SLC6A13: variants seen among roughly 807,000 people sequenced by gnomAD.
SLC6A13 encodes solute carrier family 6 member 13, also known as sodium- and chloride-dependent GABA transporter 2.
Under a neutral mutation model 72.9 loss-of-function variants are expected in SLC6A13, and 69 were observed. The observed-to-expected ratio is 0.95, with a 90% CI of 0.78 to 1.16. The LOEUF is 1.16. SLC6A13 is among the 50% of genes most tolerant of loss of function. The pLI, the probability that SLC6A13 is intolerant of heterozygous loss-of-function variation, is 0.00. For synonymous variants in SLC6A13, 303 were observed against 303.0 expected, an observed-to-expected ratio of 1.00 and a Z score of 0.00; for missense variants, 735 against 760.5, an observed-to-expected ratio of 0.97 and a Z score of 0.39.
chr12:225,108 G>A (rs892753817), intron 9 of SLC6A13, among the ~76,000 whole-genome samples: 3 of 152,222 alleles, frequency 2.0e-5, no homozygotes, highest in Non-Finnish European at 2.9e-5. Context: ...CCCTCGCGGC[G>A]CGTGAATGTT....
intron 7 of SLC6A13, among the ~76,000 whole-genome samples, chr12:230,703 C>G (rs1670988687): frequency 6.6e-6 from 1 of 152,108 alleles, no homozygotes. Context: ...CCCACGCTCC[C>G]CCACATGCTG....
Position 226,379 on chromosome 12 carries a change from G to A in SLC6A13, c.1060+11C>T. Reference sequence around the variant, plus strand: ...GGCTCACTGCCTCCAGGCCTCCCCAGTAACACTCACCTGACTCGGCCACCT... The same window carrying A: ...GGCTCACTGCCTCCAGGCCTCCCCAATAACACTCACCTGACTCGGCCACCT... On this transcript the variant is annotated intron_variant, in intron 9 of 14. Transcript: ENST00000343164. 2 of 1,613,556 alleles carry A rather than the reference G, an allele frequency of 1.2e-6. No homozygotes were observed. Among genetic ancestry groups the A allele is most frequent in the Middle Eastern group, 1.7e-4 (1 of 6,060 alleles).
rs757335080 is a variant in SLC6A13 at position 221,515 on chromosome 12, G to A, written c.1547C>T (p.Thr516Ile). 6.2e-7 allele frequency: 1 copy of A among 1,609,816 alleles called. No individual in the cohort carries two copies. The highest frequency in any genetic ancestry group is 1.3e-5 in the African/African-American group (1 of 74,738). ...GTACTTCTTGTTGTAGGTCAGCGGA[G>A]TGTACTTTATCAGGGAGAAGAGAAA... Reference protein sequence around the residue: ...ATFLFSLIKYTPLTYNKKYTY... With the variant: ...ATFLFSLIKYIPLTYNKKYTY... Residue 516 changes from threonine (T) to isoleucine (I), a missense_variant, in exon 14 of 15, where the codon ACT (threonine) becomes ATT (isoleucine). Thr to Ile is a moderately conservative substitution (Grantham distance 89, BLOSUM62 -1). Coordinates refer to ENST00000343164, the MANE Select transcript of SLC6A13 (RefSeq NM_016615.5).
rs148041862 is a variant in SLC6A13, at chr12:247,062, T to G, written c.203-3249A>C. 2.2e-3 allele frequency among the ~76,000 whole-genome samples: 327 copies of G among 148,288 alleles called. 2 individuals carry two copies. The highest frequency in any genetic ancestry group is 7.2e-3 in the African/African-American group (291 of 40,620). On this transcript the variant is annotated intron_variant, in intron 2 of 14. Coordinates refer to ENST00000343164, the MANE Select transcript of SLC6A13 (RefSeq NM_016615.5). ...AAAGAAAGAAAAGAAAAAAGAAATT[T>G]TTTAAAAAGAACAGGTATGCCTAAG...
At chr12:247,056 G>T (rs1350789306) in intron 2 of SLC6A13, among the ~76,000 whole-genome samples, 2 of 140,882 alleles carry the variant, frequency 1.4e-5, no homozygotes, top group Non-Finnish European at 3.1e-5. Flanking sequence ...AAAGAAAAAA[G>T]AAATTTTTTA....
In SLC6A13 at chr12:224,512, G is replaced by T; in HGVS notation, c.1062C>A (p.Gly354=). The change falls in exon 10 of 15, where the codon GGC becomes GGA. Residue 354 remains glycine (G), a splice_region_variant and synonymous_variant. Coordinates refer to ENST00000343164, the MANE Select transcript of SLC6A13 (RefSeq NM_016615.5). ...GGTAAGCGATGAAAGCCAGGCCAGG[G>T]CCTACGACAAGGAGCAGAGGAACAC... is the stretch of plus-strand genomic sequence containing the variant. ...GVPISEVAES[G]PGLAFIAYPR... is the part of the protein sequence containing the mutation. The T allele has an allele frequency of 6.2e-7, 1 of 1,613,562 alleles. No homozygotes were observed.
In SLC6A13 at chr12:221,553, G is replaced by A. The variant is rs1175521560; in HGVS notation, c.1516-7C>T. The stretch of plus-strand genomic sequence containing the variant: ...GGGAGAAGAGAAAGGTGGCCTGAGG[G>A]GGAGAGCAGAAGAGAAAGGGGTTGG... On this transcript the variant is annotated splice_polypyrimidine_tract_variant and splice_region_variant and intron_variant, in intron 13 of 14. Coordinates refer to ENST00000343164, the MANE Select transcript of SLC6A13 (RefSeq NM_016615.5). The A allele has an allele frequency of 6.4e-7, 1 of 1,574,366 alleles. No individual in the cohort carries two copies. Among genetic ancestry groups the A allele is most frequent in the East Asian group, 2.3e-5 (1 of 43,770 alleles).
chr12:224,238 A>G, intron 10 of SLC6A13, 109 bp from the exon 11 acceptor site: 8 of 1,475,650 alleles, frequency 5.4e-6, no homozygotes, highest in Non-Finnish European at 7.5e-6. Context: ...TCACTGTCTC[A>G]GGTCCCCTGA....
At chr12:252,685 G>C (rs540920235) in intron 2 of SLC6A13, among the ~76,000 whole-genome samples, 3 of 152,216 alleles carry the variant, frequency 2.0e-5, no homozygotes, top group African/African-American at 7.2e-5. Context: ...AAACAGGAAA[G>C]ATAGAACCCA....
At chr12:239,238 TC>T (rs1411987140) in intron 4 of SLC6A13, among the ~76,000 whole-genome samples, 1 of 32,364 alleles carries the variant, frequency 3.1e-5, no homozygotes, top group African/African-American at 5.9e-5. Context: ...TTGGATCCAT[TC>T]CCACACCATT....
At chr12:222,693 A>G (rs1037899097) in intron 12 of SLC6A13, 61 bp from the exon 13 acceptor site, 3 of 1,034,202 alleles carry the variant, frequency 2.9e-6, no homozygotes, top group African/African-American at 3.1e-5. Flanking sequence ...CCAGGACATC[A>G]GGATGGGGCC....
At chr12:258,278 G>GC (rs1425449092) in intron 2 of SLC6A13, among the ~76,000 whole-genome samples, 5 of 152,124 alleles carry the variant, frequency 3.3e-5, no homozygotes, top group African/African-American at 1.2e-4. Context: ...ATCCCCAGTT[G>GC]CCACAGACCT....
chr12:239,763 G>A lies in SLC6A13; in HGVS notation c.479-1753C>T, dbSNP rs543409942. 3.9e-5 allele frequency among the ~76,000 whole-genome samples: 6 copies of A among 152,204 alleles called. No individual in the cohort carries two copies. In the East Asian group the frequency reaches 1.2e-3, roughly 29 times the overall value. ...GCAGGAGCTCAACAAGTATCTGCTG[G>A]GTGACTGAAGGCCAGCTAGGTGCTC... On this transcript the variant is annotated intron_variant, in intron 4 of 14. Transcript: ENST00000343164.
At chr12:260,972 T>C (rs893068484) in intron 1 of SLC6A13, among the ~76,000 whole-genome samples, 8 of 152,162 alleles carry the variant, frequency 5.3e-5, no homozygotes, top group African/African-American at 1.9e-4. Flanking sequence ...GGACCAGGAA[T>C]TGTGAGTAAG....
intron 13 of SLC6A13, 142 bp from the exon 14 acceptor site, chr12:221,688 T>G: frequency 1.7e-6 from 1 of 599,898 alleles, no homozygotes; most frequent in East Asian, 2.9e-5. Context: ...GCCTCCAATC[T>G]TCTCCATCCA....
At chr12:238,100 T>A in intron 4 of SLC6A13, 90 bp from the exon 5 acceptor site, 2 of 1,576,112 alleles carry the variant, frequency 1.3e-6, no homozygotes, top group South Asian at 2.3e-5. Context: ...TCTAGGAGAA[T>A]GGGAAGGAAG....
intron 3 of SLC6A13, 87 bp downstream of exon 3, chr12:243,592 G>C: frequency 3.0e-6 from 4 of 1,350,028 alleles, no homozygotes; most frequent in Non-Finnish European, 4.1e-6. Context: ...CTTAACCTCA[G>C]AACTGCTACT....
chr12:227,727 T>C (rs1346730490), intron 7 of SLC6A13, 59 bp from the exon 8 acceptor site: 3 of 1,441,904 alleles, frequency 2.1e-6, no homozygotes, highest in African/African-American at 2.8e-5. Flanking sequence ...ATTCAAGCCA[T>C]GGGCGGACAC....
intron 2 of SLC6A13, among the ~76,000 whole-genome samples, chr12:256,830 G>C: frequency 6.6e-6 from 1 of 152,128 alleles, no homozygotes; most frequent in East Asian, 1.9e-4. Flanking sequence ...AAAGGGCCCA[G>C]GAGCAGGCCA....
Sources: allele counts gnomAD v4.1 joint callset (sites outside exome capture counted in the v4.1 genomes callset), GRCh38; gene constraint gnomAD v4.1.1; transcripts MANE v1.5; gene names NCBI Gene and HGNC (gene_info 2026-07-23, HGNC 2026-07-21).